ZCCHC3: variants seen among roughly 807,000 people sequenced by gnomAD.
The protein encoded by ZCCHC3 is zinc finger CCHC-type containing 3, also known as zinc finger CCHC domain-containing protein 3.
A neutral mutation model predicts 18.4 loss-of-function variants in ZCCHC3; 20 were observed. That is an observed-to-expected ratio of 1.09 (90% CI 0.76 to 1.58). ZCCHC3 has a LOEUF of 1.58. Among genes scored for constraint, ZCCHC3 ranks in the 40% most tolerant of loss-of-function variants. The pLI, the probability that ZCCHC3 is intolerant of heterozygous loss-of-function variation, is 0.00. For synonymous variants in ZCCHC3, 310 were observed against 232.7 expected (o/e 1.33, Z -3.02); for missense variants, 548 against 511.2 (o/e 1.07, Z -0.69).
In ZCCHC3 at chr20:298,804, C is replaced by G. The variant is rs371820165; in HGVS notation, c.*6C>G. On this transcript the variant is annotated 3_prime_UTR_variant, in exon 1 of 1. Coordinates refer to ENST00000500893, the MANE Select transcript of ZCCHC3 (RefSeq NM_033089.7). ...CCGGCGTGGCCGGGCACTAAACACC[C>G]GCCTGCCTGCCAGGGTGAACACACA... 408 of 1,501,246 alleles carry G rather than the reference C, an allele frequency of 2.7e-4. No individual in the cohort carries two copies. The highest frequency in any genetic ancestry group is 3.5e-4 in the Non-Finnish European group (397 of 1,123,792). The allele number at this position is 1,501,246 out of a possible 1,614,324, so 93.0% of individuals were successfully genotyped here. A position where few individuals can be genotyped will look rare whatever the true frequency, so the allele number is the denominator to read the frequency against.
chr20:297,627 G>C lies in ZCCHC3; in HGVS notation c.41G>C (p.Gly14Ala). 7.3e-7 allele frequency: 1 copy of C among 1,378,594 alleles called. No homozygotes were observed. The highest frequency in any genetic ancestry group is 9.4e-7 in the Non-Finnish European group (1 of 1,063,430). 85.4% of individuals were successfully genotyped at this position (1,378,594 alleles called of 1,614,324 possible). A position where few individuals can be genotyped will look rare whatever the true frequency, so the allele number is the denominator to read the frequency against. The stretch of plus-strand genomic sequence containing the variant: ...GGCGCGGAGGAAGAGAGGAAACGGG[G>C]GCGGCCGCAGCTTCTGCCCCCCGCG... ...GGGAEEERKR[G>A]RPQLLPPARP... The change falls in exon 1 of 1, where the codon GGG (glycine) becomes GCG (alanine). Residue 14 changes from glycine (G) to alanine (A), a missense_variant. Physicochemically the swap from Gly to Ala is moderately conservative, Grantham distance 60 (BLOSUM62 0). Transcript: ENST00000500893.
chr20:297,869 G>C lies in ZCCHC3; in HGVS notation c.283G>C (p.Gly95Arg), dbSNP rs2012668431. 1.6e-6 allele frequency: 2 copies of C among 1,246,496 alleles called. No individual in the cohort carries two copies. The highest frequency in any genetic ancestry group is 2.0e-6 in the Non-Finnish European group (2 of 995,370). The allele number at this position is 1,246,496 out of a possible 1,614,324, so 77.2% of individuals were successfully genotyped here. ...DLGDFPPAGR[G>R]DPKGRRRDPA... ...CGGCGACTTCCCACCGGCTGGCCGC[G>C]GGGATCCGAAGGGCCGTCGGAGAGA... The change falls in exon 1 of 1, where the codon GGG (glycine) becomes CGG (arginine). Residue 95 changes from glycine (G) to arginine (R), a missense_variant. Transcript: ENST00000500893.
At position 298,692 on chromosome 20, in the gene ZCCHC3, G is replaced by T. The variant is rs766247769; in HGVS notation, c.1106G>T (p.Gly369Val). The T allele has an allele frequency of 6.2e-7, 1 of 1,600,490 alleles. No homozygotes were observed. The highest frequency in any genetic ancestry group is 8.6e-7 in the Non-Finnish European group (1 of 1,168,240). The change falls in exon 1 of 1, where the codon GGC becomes GTC. Residue 369 changes from glycine to valine, a missense_variant. Transcript: ENST00000500893. ...EGHLSPYCRKGIVCNLCGKRG... is the reference protein window; with the variant it reads ...EGHLSPYCRKVIVCNLCGKRG... ...CACCTGAGCCCTTACTGCCGGAAGG[G>T]CATCGTGTGCAACCTCTGTGGCAAG...
chr20:298,847 A>C lies in ZCCHC3; in HGVS notation c.*49A>C, dbSNP rs779108519. On this transcript the variant is annotated 3_prime_UTR_variant, in exon 1 of 1. Transcript: ENST00000500893. ...AACACACAGCCAGCTTATCCCTCTT[A>C]AGTGCCAAAACTTTTTTTTAAACCA... 4 of 1,469,910 alleles carry C rather than the reference A, an allele frequency of 2.7e-6. No individual in the cohort carries two copies. The highest frequency in any genetic ancestry group is 3.6e-6 in the Non-Finnish European group (4 of 1,109,200). The allele number at this position is 1,469,910 out of a possible 1,614,324, so 91.1% of individuals were successfully genotyped here. A position where few individuals can be genotyped will look rare whatever the true frequency, so the allele number is the denominator to read the frequency against.
chr20:298,892 G>C lies in ZCCHC3; in HGVS notation c.*94G>C. ...AAACCATTTTTTATCGTTTTTGAAG[G>C]AGATCTTTTTAAAACCTACAAGAGA... On this transcript the variant is annotated 3_prime_UTR_variant, in exon 1 of 1. Transcript: ENST00000500893. 5 of 1,392,748 alleles carry C rather than the reference G, an allele frequency of 3.6e-6. No homozygotes were observed. The highest frequency in any genetic ancestry group is 3.8e-6 in the Non-Finnish European group (4 of 1,052,720). The allele number at this position is 1,392,748 out of a possible 1,614,324, so 86.3% of individuals were successfully genotyped here.
chr20:298,369 C>G lies in ZCCHC3; in HGVS notation c.783C>G (p.Asn261Lys). ...AGACGCTCTTCATCCTCTTCCGGAA[C>G]GAGACGGTGGACGTGGAGGACATTG... ...SLKTLFILFR[N>K]ETVDVEDIVT... Residue 261 changes from asparagine (N) to lysine (K), a missense_variant, in exon 1 of 1, where the codon AAC becomes AAG. Asn to Lys is a moderately conservative substitution (Grantham distance 94). Transcript: ENST00000500893. The G allele has an allele frequency of 1.3e-6, 1 of 782,362 alleles. No individual in the cohort carries two copies. Among genetic ancestry groups the G allele is most frequent in the Non-Finnish European group, 2.4e-6 (1 of 419,284 alleles). The allele number at this position is 782,362 out of a possible 1,614,324, so 48.5% of individuals were successfully genotyped here.
At position 298,839 on chromosome 20, in the gene ZCCHC3, T is replaced by C. The variant is rs1046560; in HGVS notation, c.*41T>C. On this transcript the variant is annotated 3_prime_UTR_variant, in exon 1 of 1. Coordinates refer to ENST00000500893, the MANE Select transcript of ZCCHC3 (RefSeq NM_033089.7). The stretch of plus-strand genomic sequence containing the variant: ...CCAGGGTGAACACACAGCCAGCTTA[T>C]CCCTCTTAAGTGCCAAAACTTTTTT... 652,940 of 1,482,666 alleles carry C rather than the reference T, an allele frequency of 0.44. 146,057 individuals are homozygous for C. Among genetic ancestry groups the C allele is most frequent in the East Asian group, 0.66 (27,359 of 41,242 alleles). The allele number at this position is 1,482,666 out of a possible 1,614,324, so 91.8% of individuals were successfully genotyped here.
rs1220403269 is a variant in ZCCHC3 at position 298,618 on chromosome 20, G to A, written c.1032G>A (p.Met344Ile). ...TCFKCGSRTH[M>I]SGSCTQDRCF... ...TTAAATGTGGTTCCCGGACCCACATGAGCGGCAGCTGCACGCAGGACAGGT... is the reference window on the plus strand; with the variant it reads ...TTAAATGTGGTTCCCGGACCCACATAAGCGGCAGCTGCACGCAGGACAGGT... Residue 344 changes from methionine (M) to isoleucine (I), a missense_variant, in exon 1 of 1, where the codon ATG (methionine) becomes ATA (isoleucine). Transcript: ENST00000500893. 9.8e-7 allele frequency: 1 copy of A among 1,016,240 alleles called. No homozygotes were observed. Among genetic ancestry groups the A allele is most frequent in the East Asian group, 2.4e-5 (1 of 42,236 alleles). 63.0% of individuals were successfully genotyped at this position (1,016,240 alleles called of 1,614,324 possible). A position where few individuals can be genotyped will look rare whatever the true frequency, so the allele number is the denominator to read the frequency against.
rs149631474 is a variant in ZCCHC3 at position 298,204 on chromosome 20, C to A, written c.618C>A (p.Ile206=). ...GCGACATCTACGCGGTCATCCAGAT[C>A]CCGGGCAGCCGCGAATTCGACGTGA... The part of the protein sequence containing the change: ...DPSDIYAVIQ[I]PGSREFDVSF... Residue 206 remains isoleucine, a synonymous_variant, in exon 1 of 1, where the codon ATC becomes ATA. Transcript: ENST00000500893. 5.5e-6 allele frequency: 7 copies of A among 1,282,490 alleles called. 1 individual carries two copies. In the South Asian group the frequency reaches 7.1e-5, roughly 13 times the overall value. 79.4% of individuals were successfully genotyped at this position (1,282,490 alleles called of 1,614,324 possible).
In ZCCHC3 at chr20:297,634, G is replaced by A. The variant is rs2122367313; in HGVS notation, c.48G>A (p.Pro16=). 3 of 1,378,188 alleles carry A rather than the reference G, an allele frequency of 2.2e-6. No individual in the cohort carries two copies. Among genetic ancestry groups the A allele is most frequent in the Admixed American group, 3.7e-5 (1 of 27,248 alleles). 85.4% of individuals were successfully genotyped at this position (1,378,188 alleles called of 1,614,324 possible). ...AGGAAGAGAGGAAACGGGGGCGGCC[G>A]CAGCTTCTGCCCCCCGCGCGGCCCG... The part of the protein sequence containing the change: ...GAEEERKRGR[P]QLLPPARPAA... The change falls in exon 1 of 1, where the codon CCG becomes CCA. Residue 16 remains proline (P), a synonymous_variant. Coordinates refer to ENST00000500893, the MANE Select transcript of ZCCHC3 (RefSeq NM_033089.7).
chr20:297,678 C>G lies in ZCCHC3; in HGVS notation c.92C>G (p.Ala31Gly), dbSNP rs2122367581. The change falls in exon 1 of 1, where the codon GCC becomes GGC. Residue 31 changes from alanine to glycine, a missense_variant. Physicochemically the swap from Ala to Gly is moderately conservative, Grantham distance 60. Coordinates refer to ENST00000500893, the MANE Select transcript of ZCCHC3 (RefSeq NM_033089.7). ...CGGCCCGCGGCCCGGGGCGAGGAGGCCGACGGCGGCCGCGAGAAGATGGGC... is the reference window on the plus strand; with the variant it reads ...CGGCCCGCGGCCCGGGGCGAGGAGGGCGACGGCGGCCGCGAGAAGATGGGC... ...PARPAARGEE[A>G]DGGREKMGWA... 1 of 1,363,678 alleles carries G rather than the reference C, an allele frequency of 7.3e-7. No homozygotes were observed. The highest frequency in any genetic ancestry group is 9.5e-7 in the Non-Finnish European group (1 of 1,056,256). The allele number at this position is 1,363,678 out of a possible 1,614,324, so 84.5% of individuals were successfully genotyped here. A position where few individuals can be genotyped will look rare whatever the true frequency, so the allele number is the denominator to read the frequency against.
rs908613350 is a variant in ZCCHC3, at chr20:299,003, G to A, written c.*205G>A. On this transcript the variant is annotated 3_prime_UTR_variant, in exon 1 of 1. Coordinates refer to ENST00000500893, the MANE Select transcript of ZCCHC3 (RefSeq NM_033089.7). The stretch of plus-strand genomic sequence containing the variant: ...CTCTGTCACCAATAACGACTGCGGA[G>A]AACTGTAGCGTGCAGATGTGTTGCC... 4.4e-6 allele frequency: 2 copies of A among 455,114 alleles called. No homozygotes were observed. Among genetic ancestry groups the A allele is most frequent in the African/African-American group, 4.1e-5 (2 of 49,206 alleles). 28.2% of individuals were successfully genotyped at this position (455,114 alleles called of 1,614,324 possible).
In ZCCHC3 at chr20:297,650, G is replaced by GCGCGGCC. The variant is rs1443769047; in HGVS notation, c.74_80dup (p.Glu29ProfsTer127). ...GGGGCGGCCGCAGCTTCTGCCCCCC[G>GCGCGGCC]CGCGGCCCGCGGCCCGGGGCGAGGA... On this transcript the variant is annotated frameshift_variant, in exon 1 of 1. Transcript: ENST00000500893. LOFTEE classifies it high-confidence loss of function. 2.0e-5 allele frequency: 28 copies of GCGCGGCC among 1,371,304 alleles called. No individual in the cohort carries two copies. The highest frequency in any genetic ancestry group is 3.1e-5 in the East Asian group (1 of 32,522). 84.9% of individuals were successfully genotyped at this position (1,371,304 alleles called of 1,614,324 possible).
chr20:298,130 G>A lies in ZCCHC3; in HGVS notation c.544G>A (p.Asp182Asn), dbSNP rs1183689069. 6.2e-7 allele frequency: 1 copy of A among 1,600,038 alleles called. No homozygotes were observed. Among genetic ancestry groups the A allele is most frequent in the Non-Finnish European group, 8.5e-7 (1 of 1,171,290 alleles). ...AGACGAGGGCGCCTGCCCGACCCGG[G>A]ACTTCGTGGTAGGAGCGCTTATCCT... is the stretch of plus-strand genomic sequence containing the variant. ...QGDEGACPTRDFVVGALILRS... is the reference protein window; with the variant it reads ...QGDEGACPTRNFVVGALILRS... The change falls in exon 1 of 1, where the codon GAC (aspartate) becomes AAC (asparagine). Residue 182 changes from aspartate to asparagine, a missense_variant. Coordinates refer to ENST00000500893, the MANE Select transcript of ZCCHC3 (RefSeq NM_033089.7).
rs2012700400 is a variant in ZCCHC3 at position 298,981 on chromosome 20, T to A, written c.*183T>A. 8 of 515,272 alleles carry A rather than the reference T, an allele frequency of 1.6e-5. No homozygotes were observed. The highest frequency in any genetic ancestry group is 2.3e-5 in the Non-Finnish European group (7 of 309,436). The allele number at this position is 515,272 out of a possible 1,614,324, so 31.9% of individuals were successfully genotyped here. On this transcript the variant is annotated 3_prime_UTR_variant, in exon 1 of 1. Coordinates refer to ENST00000500893, the MANE Select transcript of ZCCHC3 (RefSeq NM_033089.7). ...TCAGCCTGTTCTGAATTGGTGACTC[T>A]GTCACCAATAACGACTGCGGAGAAC...
Position 298,897 on chromosome 20 carries a change from C to G in ZCCHC3, c.*99C>G. 1 of 1,344,552 alleles carries G rather than the reference C, an allele frequency of 7.4e-7. No homozygotes were observed. The highest frequency in any genetic ancestry group is 2.7e-5 in the East Asian group (1 of 37,070). The allele number at this position is 1,344,552 out of a possible 1,614,324, so 83.3% of individuals were successfully genotyped here. ...ATTTTTTATCGTTTTTGAAGGAGATCTTTTTAAAACCTACAAGAGACATCT... is the reference window on the plus strand; with the variant it reads ...ATTTTTTATCGTTTTTGAAGGAGATGTTTTTAAAACCTACAAGAGACATCT... On this transcript the variant is annotated 3_prime_UTR_variant, in exon 1 of 1. Transcript: ENST00000500893.
rs569630724 is a variant in ZCCHC3, at chr20:297,690, G to C, written c.104G>C (p.Arg35Pro). Residue 35 changes from arginine to proline, a missense_variant, in exon 1 of 1, where the codon CGC becomes CCC. Arg to Pro is a moderately radical substitution (Grantham distance 103). Coordinates refer to ENST00000500893, the MANE Select transcript of ZCCHC3 (RefSeq NM_033089.7). Reference protein sequence around the residue: ...AARGEEADGGREKMGWAQVVK... With the variant: ...AARGEEADGGPEKMGWAQVVK... The stretch of plus-strand genomic sequence containing the variant: ...CGGGGCGAGGAGGCCGACGGCGGCC[G>C]CGAGAAGATGGGCTGGGCCCAGGTG... The C allele has an allele frequency of 7.3e-7, 1 of 1,367,604 alleles. No individual in the cohort carries two copies. Among genetic ancestry groups the C allele is most frequent in the South Asian group, 1.7e-5 (1 of 58,636 alleles). 84.7% of individuals were successfully genotyped at this position (1,367,604 alleles called of 1,614,324 possible). A position where few individuals can be genotyped will look rare whatever the true frequency, so the allele number is the denominator to read the frequency against.
In ZCCHC3 at chr20:298,910, A is replaced by C. The variant is rs1033342766; in HGVS notation, c.*112A>C. On this transcript the variant is annotated 3_prime_UTR_variant, in exon 1 of 1. Coordinates refer to ENST00000500893, the MANE Select transcript of ZCCHC3 (RefSeq NM_033089.7). ...TTTGAAGGAGATCTTTTTAAAACCT[A>C]CAAGAGACATCTCTCTATGCCTTCT... 7.9e-7 allele frequency: 1 copy of C among 1,265,830 alleles called. No homozygotes were observed. Among genetic ancestry groups the C allele is most frequent in the African/African-American group, 1.5e-5 (1 of 65,612 alleles). The allele number at this position is 1,265,830 out of a possible 1,614,324, so 78.4% of individuals were successfully genotyped here. A position where few individuals can be genotyped will look rare whatever the true frequency, so the allele number is the denominator to read the frequency against.
In ZCCHC3 at chr20:298,173, A is replaced by T; in HGVS notation, c.587A>T (p.Asp196Val). The T allele has an allele frequency of 2.0e-6, 3 of 1,467,912 alleles. No individual in the cohort carries two copies. The highest frequency in any genetic ancestry group is 1.1e-5 in the South Asian group (1 of 88,348). The allele number at this position is 1,467,912 out of a possible 1,614,324, so 90.9% of individuals were successfully genotyped here. ...GALILRSIGM[D>V]PSDIYAVIQI... The stretch of plus-strand genomic sequence containing the variant: ...CTTATCCTGCGCTCCATCGGCATGG[A>T]CCCGAGCGACATCTACGCGGTCATC... The change falls in exon 1 of 1, where the codon GAC becomes GTC. Residue 196 changes from aspartate to valine, a missense_variant. By Grantham distance (152) the Asp-to-Val change is radical. Transcript: ENST00000500893.
Sources: gnomAD v4.1 joint callset for allele counts on GRCh38, gnomAD v4.1.1 for gene constraint, MANE v1.5 for transcripts, NCBI Gene and HGNC (gene_info 2026-07-23, HGNC 2026-07-21) for gene names.